PCDHGA8: variants seen among roughly 807,000 people sequenced by gnomAD.
The protein encoded by PCDHGA8 is protocadherin gamma-A8.
A neutral mutation model predicts 59.2 loss-of-function variants in PCDHGA8; 45 were observed. The observed-to-expected ratio is 0.76, with a 90% CI of 0.60 to 0.98. The LOEUF is 0.98. PCDHGA8 is among the 50% of genes least tolerant of loss of function. The probability of loss-of-function intolerance (pLI) is 0.00; values close to 1 mark genes in which losing one functional copy is unlikely to be tolerated. For missense variants in PCDHGA8, 1,257 were observed against 1,196.2 expected (o/e 1.05, Z -0.75); for synonymous variants, 531 against 519.0 (o/e 1.02, Z -0.32).
At chr5:141,482,675 A>G (rs1258898440) in intron 1 of PCDHGA8, among the ~76,000 whole-genome samples, 1 of 149,114 alleles carries the variant, frequency 6.7e-6, no homozygotes, top group African/African-American at 2.5e-5. Context: ...AAGGTTGAGT[A>G]GTAGCTTGTC....
Position 141,502,395 on chromosome 5 carries a change from G to A in PCDHGA8, c.2484-2998G>A, listed in dbSNP as rs115188718. The stretch of plus-strand genomic sequence containing the variant: ...GTCCAGGCCAGTTGTACTTTAAAAT[G>A]TCCCCGAACCTGGATTTGCTGGCTA... On this transcript the variant is annotated intron_variant, in intron 2 of 3. Transcript: ENST00000398604. Among the ~76,000 whole-genome samples, 610 of 151,894 alleles carry A rather than the reference G, an allele frequency of 4.0e-3. 3 individuals carry two copies. Among genetic ancestry groups the A allele is most frequent in the African/African-American group, 0.013 (553 of 41,410 alleles).
intron 1 of PCDHGA8, among the ~76,000 whole-genome samples, chr5:141,445,892 T>C (rs2154561169): frequency 6.6e-6 from 1 of 152,346 alleles, no homozygotes; most frequent in African/African-American, 2.4e-5. Context: ...TTAGGAGCTA[T>C]TAAAATATTT....
intron 1 of PCDHGA8, among the ~76,000 whole-genome samples, chr5:141,482,940 G>T (rs1245833250): frequency 6.6e-6 from 1 of 152,026 alleles, no homozygotes; most frequent in East Asian, 1.9e-4. Context: ...AGGTGTGGTT[G>T]TGGGTGCCTG....
rs762312563 is a variant in PCDHGA8 at position 141,493,182 on chromosome 5, A to G, written c.2425-1625A>G. Among the ~76,000 whole-genome samples, 1 of 152,232 alleles carries G rather than the reference A, an allele frequency of 6.6e-6. No homozygotes were observed. The highest frequency in any genetic ancestry group is 2.4e-5 in the African/African-American group (1 of 41,460). The stretch of plus-strand genomic sequence containing the variant: ...TAGCTGATTGAGAGAAACTTACTAT[A>G]TAACTCCTTTGAGAACCTCATCTCA... On this transcript the variant is annotated intron_variant, in intron 1 of 3. Coordinates refer to ENST00000398604, the MANE Select transcript of PCDHGA8 (RefSeq NM_032088.2). The surrounding 1 kb of genome is among the most constrained non-coding windows in gnomAD (Gnocchi z 4.3).
intron 1 of PCDHGA8, among the ~76,000 whole-genome samples, chr5:141,434,259 G>A (rs1452016594): frequency 6.6e-6 from 1 of 152,230 alleles, no homozygotes; most frequent in Non-Finnish European, 1.5e-5. Flanking sequence ...CATTGTGGGG[G>A]AGGTGGAAAT....
intron 1 of PCDHGA8, among the ~76,000 whole-genome samples, chr5:141,407,257 T>C (rs1325198387): frequency 1.3e-5 from 2 of 152,240 alleles, no homozygotes; most frequent in Non-Finnish European, 2.9e-5. Context: ...CTCATATTTT[T>C]AACCATGCAA....
chr5:141,468,159 T>C (rs1408861467), intron 1 of PCDHGA8, among the ~76,000 whole-genome samples: 2 of 151,760 alleles, frequency 1.3e-5, no homozygotes, highest in Admixed American at 6.6e-5. Context: ...ACCCTGTCTC[T>C]GCTAAAAATA....
intron 1 of PCDHGA8, among the ~76,000 whole-genome samples, chr5:141,446,698 G>C (rs750413432): frequency 1.3e-5 from 2 of 152,070 alleles, no homozygotes; most frequent in African/African-American, 4.8e-5. Flanking sequence ...GGCTGGTCTC[G>C]AACTCTGATC....
At chr5:141,452,380 G>A (rs1003689226) in intron 1 of PCDHGA8, among the ~76,000 whole-genome samples, 2 of 152,192 alleles carry the variant, frequency 1.3e-5, no homozygotes, top group Admixed American at 1.3e-4. Context: ...GTAGGGAATA[G>A]TATTTAGAAA....
rs773499765 is a variant in PCDHGA8 at position 141,489,626 on chromosome 5, A to T, written c.2425-5181A>T. 6.2e-6 allele frequency: 10 copies of T among 1,613,568 alleles called. No individual in the cohort carries two copies. In the South Asian group the frequency reaches 9.9e-5, roughly 16 times the overall value. On this transcript the variant is annotated intron_variant, in intron 1 of 3. Coordinates refer to ENST00000398604, the MANE Select transcript of PCDHGA8 (RefSeq NM_032088.2). The surrounding 1 kb of genome is among the most constrained non-coding windows in gnomAD (Gnocchi z 4.5). The stretch of plus-strand genomic sequence containing the variant: ...GTAGAGATCCTGGATCTCAATGACA[A>T]CTCTCCTAGCTTTGCCACCCCTGAG...
intron 1 of PCDHGA8, among the ~76,000 whole-genome samples, chr5:141,445,180 GT>G (rs745433969): frequency 6.6e-6 from 1 of 152,148 alleles, no homozygotes; most frequent in Non-Finnish European, 1.5e-5. Flanking sequence ...GAAAAACTAT[GT>G]TTTTATGTAT....
At position 141,432,942 on chromosome 5, in the gene PCDHGA8, C is replaced by G. The variant is rs1346694514; in HGVS notation, c.2424+37705C>G. ...CACAAGTCACGCCTGCTGCAGGCTT[C>G]AGGAGGCGGCTTGACAGGAGCGCCG... On this transcript the variant is annotated intron_variant, in intron 1 of 3. Coordinates refer to ENST00000398604, the MANE Select transcript of PCDHGA8 (RefSeq NM_032088.2). The surrounding 1 kb of genome is among the most constrained non-coding windows in gnomAD (Gnocchi z 6.0). The G allele has an allele frequency of 1.2e-6, 2 of 1,614,190 alleles. No individual in the cohort carries two copies. Among genetic ancestry groups the G allele is most frequent in the Non-Finnish European group, 1.7e-6 (2 of 1,180,036 alleles).
At position 141,485,800 on chromosome 5, in the gene PCDHGA8, C is replaced by T. The variant is rs1231777430; in HGVS notation, c.2425-9007C>T. On this transcript the variant is annotated intron_variant, in intron 1 of 3. Coordinates refer to ENST00000398604, the MANE Select transcript of PCDHGA8 (RefSeq NM_032088.2). This position sits in a 1 kb window ranked among gnomAD's most constrained non-coding sequence, Gnocchi z 5.7. The stretch of plus-strand genomic sequence containing the variant: ...ATCGAGAGAAGCAATCGGACTACCG[C>T]CTGGTGCTGACTGCTGTCGATGGAG... 1 of 1,614,228 alleles carries T rather than the reference C, an allele frequency of 6.2e-7. No homozygotes were observed. Among genetic ancestry groups the T allele is most frequent in the East Asian group, 2.2e-5 (1 of 44,878 alleles).
chr5:141,415,375 G>A (rs1453832867), intron 1 of PCDHGA8: 12 of 1,614,258 alleles, frequency 7.4e-6, no homozygotes, highest in South Asian at 1.1e-5. Context: ...GGCTTCAGGA[G>A]GCGGCTTGAC....
rs368792885 is a variant in PCDHGA8, at chr5:141,394,552, G to A, written c.1739G>A (p.Arg580His). 7.4e-5 allele frequency: 119 copies of A among 1,613,952 alleles called. No homozygotes were observed. Among genetic ancestry groups the A allele is most frequent in the Admixed American group, 8.3e-5 (5 of 60,012 alleles). Residue 580 changes from arginine (R) to histidine (H), a missense_variant, in exon 1 of 4, where the codon CGC becomes CAC. Arg to His is a conservative substitution (Grantham distance 29). Transcript: ENST00000398604. ...TCCACTGGCGTGGAGCTGGCGCCCCGCTCCGCAGAGCGTGGCTACCTGGTG... is the reference window on the plus strand; with the variant it reads ...TCCACTGGCGTGGAGCTGGCGCCCCACTCCGCAGAGCGTGGCTACCTGGTG... The part of the protein sequence containing the change: ...DGSTGVELAP[R>H]SAERGYLVTK...
rs1477463079 is a variant in PCDHGA8, at chr5:141,393,632, C to T, written c.819C>T (p.Ile273=). ...CAGCCAGCGACCCGGATGAGGGAAT[C>T]AACGGAAAAGTGGCATACAAATTCC... ...TVTASDPDEG[I]NGKVAYKFRK... The change falls in exon 1 of 4, where the codon ATC becomes ATT. Residue 273 remains isoleucine, a synonymous_variant. Transcript: ENST00000398604. 6.2e-7 allele frequency: 1 copy of T among 1,613,930 alleles called. No homozygotes were observed. Among genetic ancestry groups the T allele is most frequent in the Non-Finnish European group, 8.5e-7 (1 of 1,179,904 alleles).
rs762413220 is a variant in PCDHGA8 at position 141,403,196 on chromosome 5, G to T, written c.2424+7959G>T. 1.9e-6 allele frequency: 3 copies of T among 1,613,986 alleles called. No individual in the cohort carries two copies. The South Asian group carries it at 3.3e-5, about 18-fold the overall frequency. ...GCTTTTCTCTCTGAACCCGCGCAGC[G>T]GCACCTTGGTCACCGCGGGTAGGAT... is the stretch of plus-strand genomic sequence containing the variant. On this transcript the variant is annotated intron_variant, in intron 1 of 3. Transcript: ENST00000398604.
intron 1 of PCDHGA8, among the ~76,000 whole-genome samples, chr5:141,466,063 A>G (rs554503713): frequency 3.3e-5 from 5 of 152,268 alleles, no homozygotes; most frequent in Admixed American, 6.5e-5. Context: ...CGGAGCTTGC[A>G]GTGAGCTGAT....
intron 1 of PCDHGA8, among the ~76,000 whole-genome samples, chr5:141,401,895 T>C (rs184400858): frequency 3.8e-4 from 58 of 152,342 alleles, no homozygotes; most frequent in African/African-American, 1.1e-3. Context: ...GTGTTCTTTT[T>C]CCCAAATTAT....
Sources: allele counts gnomAD v4.1 joint callset (sites outside exome capture counted in the v4.1 genomes callset), GRCh38; gene constraint gnomAD v4.1.1; non-coding constraint Gnocchi (gnomAD v3.1); transcripts MANE v1.5; gene names NCBI Gene and HGNC (gene_info 2026-07-23, HGNC 2026-07-21).